The following TBATA variants were observed in gnomAD, a reference collection of about 807,000 sequenced individuals.
The protein encoded by TBATA is protein TBATA.
In TBATA, 47 loss-of-function variants were observed where a neutral mutation model predicts 38.7. The observed-to-expected ratio is 1.21, with a 90% CI of 0.96 to 1.55. TBATA has a LOEUF of 1.55. Ranked by LOEUF, TBATA falls within the 40% of genes most tolerant of loss-of-function variation. The pLI, the probability that TBATA is intolerant of heterozygous loss-of-function variation, is 0.00. For missense variants in TBATA, 436 were observed against 435.6 expected, an observed-to-expected ratio of 1.00 and a Z score of -0.01; for synonymous variants, 183 against 170.5, an observed-to-expected ratio of 1.07 and a Z score of -0.57.
At chr10:70,777,387 A>T (rs1352473630) in intron 6 of TBATA, 49 bp from the exon 7 acceptor site, 1 of 1,570,482 alleles carries the variant, frequency 6.4e-7, no homozygotes, top group Non-Finnish European at 8.7e-7. Context: ...AGAGGGGAGG[A>T]AGAGGGCTGA....
At chr10:70,777,506 C>A (rs960786157) in intron 6 of TBATA, among the ~76,000 whole-genome samples, 168 bp from the exon 7 acceptor site, 7 of 67,068 alleles carry the variant, frequency 1.0e-4, no homozygotes, top group Non-Finnish European at 2.0e-4. Context: ...GCTCTGCCAC[C>A]CCCCCAACCT....
chr10:70,774,105 T>C, intron 9 of TBATA, 108 bp downstream of exon 9: 17 of 1,438,474 alleles, frequency 1.2e-5, no homozygotes, highest in Non-Finnish European at 1.6e-5. Flanking sequence ...AGGACAGACT[T>C]AGTCAGCCCA....
intron 7 of TBATA, among the ~76,000 whole-genome samples, chr10:70,775,850 G>T (rs1843324649): frequency 6.6e-6 from 1 of 152,204 alleles, no homozygotes; most frequent in Admixed American, 6.5e-5. Flanking sequence ...AAACTGCTCA[G>T]CACCGGCTCC....
intron 7 of TBATA, among the ~76,000 whole-genome samples, chr10:70,776,631 G>A (rs886602019): frequency 5.9e-5 from 9 of 152,190 alleles, no homozygotes; most frequent in Non-Finnish European, 1.3e-4. Flanking sequence ...GAGGACATCC[G>A]TGCATTTTCA....
At chr10:70,777,868 T>C (rs1291224642) in intron 6 of TBATA, 2 of 439,586 alleles carry the variant, frequency 4.5e-6, no homozygotes, top group Admixed American at 2.6e-5. Flanking sequence ...CTTCCCCCCA[T>C]TTTAAAGATA....
In TBATA at chr10:70,781,889, G is replaced by A. The variant is rs1174296070; in HGVS notation, c.189C>T (p.Thr63=). The A allele has an allele frequency of 6.2e-7, 1 of 1,614,102 alleles. No individual in the cohort carries two copies. Among genetic ancestry groups the A allele is most frequent in the African/African-American group, 1.3e-5 (1 of 74,940 alleles). Residue 63 remains threonine, a synonymous_variant, in exon 4 of 11, where the codon ACC becomes ACT. Transcript: ENST00000456372. ...GGCGTCCAAAGCAGTAGGTGCCAGG[G>A]GTTTGGGGCTTTGGGGTCCTCAATG... ...RRALRTPKPQ[T]PGTYCFGRLS... is the part of the protein sequence containing the mutation.
At chr10:70,782,265 T>A in intron 3 of TBATA, 5 of 1,463,314 alleles carry the variant, frequency 3.4e-6, no homozygotes, top group Non-Finnish European at 4.6e-6. Context: ...GGAGCTGGCA[T>A]CCATTTGAGG....
intron 3 of TBATA, 21 bp downstream of exon 3, chr10:70,783,318 G>T (rs764749216): frequency 6.2e-7 from 1 of 1,614,068 alleles, no homozygotes; most frequent in Non-Finnish European, 8.5e-7. Context: ...CAGTCAGCAG[G>T]GTGGGCATTT....
chr10:70,771,325 T>G lies in TBATA; in HGVS notation c.*51A>C. On this transcript the variant is annotated 3_prime_UTR_variant, in exon 11 of 11. Coordinates refer to ENST00000456372, the MANE Select transcript of TBATA (RefSeq NM_001318241.2). ...AAGGTGGTGGAGACAGAAACACCCC[T>G]GAACCCTTGGGGCTGCTCTTGAGCA... 1 of 1,613,864 alleles carries G rather than the reference T, an allele frequency of 6.2e-7. No homozygotes were observed. Among genetic ancestry groups the G allele is most frequent in the African/African-American group, 1.3e-5 (1 of 74,954 alleles).
chr10:70,776,232 AG>A (rs983101817), intron 7 of TBATA: 1 of 411,618 alleles, frequency 2.4e-6, no homozygotes, highest in East Asian at 7.3e-5. Flanking sequence ...CTGCCTGCTT[AG>A]GGGTCCACCC....
intron 7 of TBATA, 133 bp downstream of exon 7, chr10:70,777,020 T>G: frequency 1.1e-6 from 1 of 916,916 alleles, no homozygotes; most frequent in South Asian, 2.1e-5. Context: ...TGCTGCTGAC[T>G]CCACAGGGCT....
intron 9 of TBATA, among the ~76,000 whole-genome samples, chr10:70,773,790 C>A (rs1312218278): frequency 7.2e-5 from 11 of 152,342 alleles, no homozygotes; most frequent in African/African-American, 2.4e-4. Context: ...CACTCACCTG[C>A]CTTGTGAGGC....
intron 3 of TBATA, chr10:70,782,748 G>T: frequency 1.4e-6 from 1 of 691,704 alleles, no homozygotes; most frequent in Non-Finnish European, 1.8e-6. Context: ...ATCTGCCCTT[G>T]GAGGAAGGTC....
intron 3 of TBATA, chr10:70,782,381 A>T: frequency 2.2e-6 from 3 of 1,335,694 alleles, no homozygotes; most frequent in Non-Finnish European, 2.9e-6. Flanking sequence ...AGGATGGAGC[A>T]AAGTCACCTT....
At position 70,775,220 on chromosome 10, in the gene TBATA, G is replaced by T. The variant is rs778083162; in HGVS notation, c.744C>A (p.Ile248=). 1 of 1,614,188 alleles carries T rather than the reference G, an allele frequency of 6.2e-7. No homozygotes were observed. The highest frequency in any genetic ancestry group is 1.1e-5 in the South Asian group (1 of 91,088). ...GCGGAGCGTAGAGCAGCCAGAACTG[G>T]ATTGCGCTTAGCAAGTCTGTTTCCA... ...RILETDLLSA[I]QFWLLYAPPK... is the part of the protein sequence containing the mutation. Residue 248 remains isoleucine, a synonymous_variant, in exon 8 of 11, where the codon ATC becomes ATA. Coordinates refer to ENST00000456372, the MANE Select transcript of TBATA (RefSeq NM_001318241.2).
At chr10:70,772,210 G>A in intron 10 of TBATA, 1 of 579,912 alleles carries the variant, frequency 1.7e-6, no homozygotes, top group Non-Finnish European at 3.4e-6. Flanking sequence ...TCTCCTTACA[G>A]TATCTGTCTC....
intron 8 of TBATA, 90 bp from the exon 9 acceptor site, chr10:70,774,447 C>A: frequency 3.7e-6 from 5 of 1,342,824 alleles, no homozygotes; most frequent in Non-Finnish European, 5.0e-6. Flanking sequence ...CCATCCAGGG[C>A]AGCTTTCTCT....
In TBATA at chr10:70,774,173, C is replaced by T. The variant is rs772054555; in HGVS notation, c.920+40G>A. Reference sequence around the variant, plus strand: ...GTCCCACTGGCCTCACCTGGGAGGACAGAAGGCTGCAGAAGGGCAGGGCGG... The same window carrying T: ...GTCCCACTGGCCTCACCTGGGAGGATAGAAGGCTGCAGAAGGGCAGGGCGG... On this transcript the variant is annotated intron_variant, in intron 9 of 10. Coordinates refer to ENST00000456372, the MANE Select transcript of TBATA (RefSeq NM_001318241.2). 8 of 1,605,420 alleles carry T rather than the reference C, an allele frequency of 5.0e-6. No homozygotes were observed. In the East Asian group the frequency reaches 1.8e-4, roughly 36 times the overall value.
chr10:70,774,715 G>A (rs1843166562), intron 8 of TBATA, among the ~76,000 whole-genome samples: 2 of 152,114 alleles, frequency 1.3e-5, no homozygotes, highest in African/African-American at 4.8e-5. Context: ...TTAGCTTCCT[G>A]GTTCTCATCA....
Sources: allele counts gnomAD v4.1 joint callset (sites outside exome capture counted in the v4.1 genomes callset), GRCh38; gene constraint gnomAD v4.1.1; transcripts MANE v1.5; gene names NCBI Gene and HGNC (gene_info 2026-07-23, HGNC 2026-07-21).